SUGCT: variants seen among roughly 807,000 people sequenced by gnomAD.
SUGCT encodes succinyl-CoA:glutarate-CoA transferase, also known as succinyl-CoA:glutarate CoA-transferase.
In SUGCT, 41 loss-of-function variants were observed where a neutral mutation model predicts 55.0. The observed-to-expected ratio is 0.74, with a 90% confidence interval of 0.58 to 0.97. The LOEUF (loss-of-function observed/expected upper bound fraction) is 0.97. Ranked by LOEUF, SUGCT falls within the 50% of genes least tolerant of loss-of-function variation. The pLI, the probability that SUGCT is intolerant of heterozygous loss-of-function variation, is 0.00. For synonymous variants in SUGCT, 187 were observed against 200.4 expected, an observed-to-expected ratio of 0.93 and a Z score of 0.56; for missense variants, 568 against 547.8, an observed-to-expected ratio of 1.04 and a Z score of -0.37.
At chr7:40,642,567 C>G (rs1291274566) in intron 12 of SUGCT, among the ~76,000 whole-genome samples, 4 of 152,086 alleles carry the variant, frequency 2.6e-5, no homozygotes, top group Non-Finnish European at 4.4e-5. Context: ...GGTCCCTGTC[C>G]TAAGTTAAGA....
intron 12 of SUGCT, among the ~76,000 whole-genome samples, chr7:40,585,533 CT>C (rs1233492771): frequency 6.6e-6 from 1 of 152,148 alleles, no homozygotes; most frequent in Non-Finnish European, 1.5e-5. Context: ...TTCAGCCTCC[CT>C]GACAATTACT....
At chr7:40,698,146 C>T (rs1222174248) in intron 12 of SUGCT, among the ~76,000 whole-genome samples, 1 of 152,198 alleles carries the variant, frequency 6.6e-6, no homozygotes, top group African/African-American at 2.4e-5. Context: ...GGTAAGATGG[C>T]AGCCTGCAAG....
At chr7:40,420,089 T>C (rs1031384618) in intron 9 of SUGCT, among the ~76,000 whole-genome samples, 7 of 152,248 alleles carry the variant, frequency 4.6e-5, no homozygotes, top group Non-Finnish European at 8.8e-5. Flanking sequence ...TACTGCAGGC[T>C]GCTGTGTGAG....
At chr7:40,702,282 A>C (rs189278567) in intron 12 of SUGCT, among the ~76,000 whole-genome samples, 1 of 152,328 alleles carries the variant, frequency 6.6e-6, no homozygotes, top group Admixed American at 6.5e-5. Flanking sequence ...GTTTAAAAGA[A>C]ATTTAAAATC....
the SUGCT span, among the ~76,000 whole-genome samples, chr7:40,971,174 A>G: frequency 6.6e-6 from 1 of 152,166 alleles, no homozygotes; most frequent in African/African-American, 2.4e-5. Context: ...GGAAGCAGGC[A>G]TGTCACATGG....
chr7:40,665,207 G>A (rs990414805), intron 12 of SUGCT, among the ~76,000 whole-genome samples: 7 of 151,754 alleles, frequency 4.6e-5, no homozygotes, highest in Non-Finnish European at 7.4e-5. Flanking sequence ...GGGAGGCTGA[G>A]GCGGGCGGAT....
In SUGCT at chr7:40,135,041, G is replaced by C. The variant is rs1198928453; in HGVS notation, c.21G>C (p.Arg7Ser). 6.4e-7 allele frequency: 1 copy of C among 1,562,438 alleles called. No homozygotes were observed. The highest frequency in any genetic ancestry group is 1.2e-5 in the South Asian group (1 of 84,674). ...ACGCGATGCTGGCGACGCTGGCGAG[G>C]GTGGCAGCTCTGCGCAGAACCTGCC... MLATLA[R>S]VAALRRTCLF... The change falls in exon 1 of 14, where the codon AGG becomes AGC. Residue 7 changes from arginine (R) to serine (S), a missense_variant. Transcript: ENST00000335693.
chr7:40,428,523 TGTGTGTG>T (rs1409616501), intron 9 of SUGCT, among the ~76,000 whole-genome samples: 1 of 552 alleles, frequency 1.8e-3, no homozygotes, highest in Non-Finnish European at 0.015. Context: ...CTGTCTCTGC[TGTGTGTG>T]TGTGTGTGTG....
intron 9 of SUGCT, among the ~76,000 whole-genome samples, chr7:40,369,980 G>GGA (rs1784209258): frequency 6.6e-6 from 1 of 152,060 alleles, no homozygotes; most frequent in Admixed American, 6.6e-5. Flanking sequence ...TCCAGTTCGA[G>GGA]GACTCATGGT....
At chr7:40,395,489 C>CAAAAAAAAAA (rs36068766) in intron 9 of SUGCT, among the ~76,000 whole-genome samples, 16 of 46,110 alleles carry the variant, frequency 3.5e-4, no homozygotes, top group South Asian at 9.1e-4. Context: ...AACTCTGTCT[C>CAAAAAAAAAA]AAAAAAAAAA....
intron 12 of SUGCT, among the ~76,000 whole-genome samples, chr7:40,614,987 C>T (rs189070697): frequency 1.1e-3 from 167 of 150,130 alleles, no homozygotes; most frequent in African/African-American, 4.0e-3. Flanking sequence ...ACTTGGGAGG[C>T]GGAGGTTGCA....
At chr7:40,719,218 G>A (rs1786187483) in intron 12 of SUGCT, among the ~76,000 whole-genome samples, 1 of 152,168 alleles carries the variant, frequency 6.6e-6, no homozygotes, top group South Asian at 2.1e-4. Context: ...TGCACATGCT[G>A]TTCTTTCTGA....
At chr7:40,242,909 A>G (rs1267236609) in intron 7 of SUGCT, among the ~76,000 whole-genome samples, 2 of 18,888 alleles carry the variant, frequency 1.1e-4, no homozygotes, top group East Asian at 0.011. Context: ...TATGTGGCAT[A>G]TATATATATA....
intron 11 of SUGCT, among the ~76,000 whole-genome samples, chr7:40,492,890 A>G (rs909197293): frequency 2.0e-5 from 3 of 152,186 alleles, no homozygotes; most frequent in Non-Finnish European, 4.4e-5. Context: ...CTCTTAACAC[A>G]GGGACGGTCT....
chr7:40,703,929 T>C (rs949991690), intron 12 of SUGCT, among the ~76,000 whole-genome samples: 1 of 152,222 alleles, frequency 6.6e-6, no homozygotes, highest in Non-Finnish European at 1.5e-5. Context: ...AAAAGCAATG[T>C]GTGCTCATGC....
At chr7:40,443,471 C>T (rs2151417284) in intron 9 of SUGCT, among the ~76,000 whole-genome samples, 1 of 152,252 alleles carries the variant, frequency 6.6e-6, no homozygotes, top group South Asian at 2.1e-4. Flanking sequence ...CTCTGATGGC[C>T]AGTGATGATG....
the SUGCT span, among the ~76,000 whole-genome samples, chr7:40,985,533 T>A: frequency 6.6e-6 from 1 of 152,136 alleles, no homozygotes; most frequent in Non-Finnish European, 1.5e-5. Flanking sequence ...AGTGCAGTGT[T>A]GATGACAGCA....
intron 12 of SUGCT, among the ~76,000 whole-genome samples, chr7:40,497,031 A>G (rs1792020218): frequency 6.6e-6 from 1 of 152,150 alleles, no homozygotes; most frequent in African/African-American, 2.4e-5. Context: ...TTATTTTTAG[A>G]TTATGTGAAA....
At chr7:40,986,321 A>T in the SUGCT span, among the ~76,000 whole-genome samples, 1 of 152,218 alleles carries the variant, frequency 6.6e-6, no homozygotes, top group Non-Finnish European at 1.5e-5. Flanking sequence ...GTCAAAATGA[A>T]TAAGAGTTTT....
Sources: gnomAD v4.1 joint callset for allele counts (sites outside exome capture counted in the v4.1 genomes callset) on GRCh38, gnomAD v4.1.1 for gene constraint, MANE v1.5 for transcripts, NCBI Gene and HGNC (gene_info 2026-07-23, HGNC 2026-07-21) for gene names.